The following DDX3X variants were observed in gnomAD, a reference collection of about 807,000 sequenced individuals.
The protein encoded by DDX3X is DEAD-box helicase 3 X-linked.
A neutral mutation model predicts 52.7 loss-of-function variants in DDX3X; 4 were observed. That is an observed-to-expected ratio of 0.08 (90% CI 0.04 to 0.17). The LOEUF (loss-of-function observed/expected upper bound fraction) is 0.17, where lower values mean the gene tolerates loss of function less well. DDX3X is among the 10% of genes least tolerant of loss of function. The pLI is 1.00. For synonymous variants in DDX3X, 192 were observed against 178.1 expected (o/e 1.08, Z -0.62); for missense variants, 222 against 548.6 (o/e 0.40, Z 5.95).
At position 41,334,692 on chromosome X, in the gene DDX3X, C is replaced by T. The variant is rs1331438802; in HGVS notation, c.45+395C>T. ...GCCCTTTTGGCTTGGAGGGCTTCGG[C>T]CTTCACGGCTGGCGCAGCCTGGATT... is the stretch of plus-strand genomic sequence containing the variant. On this transcript the variant is annotated intron_variant, in intron 1 of 16. Coordinates refer to ENST00000644876, the MANE Select transcript of DDX3X (RefSeq NM_001356.5). The T allele has an allele frequency of 6.9e-6, 7 of 1,012,288 alleles. No individual in the cohort carries two copies. The African/African-American group carries it at 1.1e-4, about 17-fold the overall frequency. 83.4% of individuals were successfully genotyped at this position (1,012,288 alleles called of 1,213,427 possible). A position where few individuals can be genotyped will look rare whatever the true frequency, so the allele number is the denominator to read the frequency against.
At chrX:41,351,767 T>C (rs1337503739), downstream of DDX3X, 1 of 111,589 alleles carries the variant, frequency 9.0e-6, no homozygotes, top group African/African-American at 3.2e-5. Flanking sequence ...ATGACTACTC[T>C]TCAATTTCTT....
chrX:41,355,900 C>T (rs772048412), intron 5 of DDX3X, among the ~76,000 whole-genome samples: 1 of 110,486 alleles, frequency 9.1e-6, no homozygotes, highest in Non-Finnish European at 1.9e-5. Context: ...TCTTATTTGC[C>T]ATCCCTGTAT....
chrX:41,356,137 C>CTTTT (rs768758470), intron 5 of DDX3X, among the ~76,000 whole-genome samples: 12 of 78,490 alleles, frequency 1.5e-4, no homozygotes, highest in African/African-American at 4.8e-4. Flanking sequence ...AATTTGTCAG[C>CTTTT]TTTTTTTTTT....
At chrX:41,358,068 T>A in intron 5 of DDX3X, 2 of 132,118 alleles carry the variant, frequency 1.5e-5, no homozygotes, top group East Asian at 1.4e-4. Context: ...AGACACTCTT[T>A]TTTTTTTTTT....
At position 41,349,006 on chromosome X, in the gene DDX3X, A is replaced by C. The variant is rs2063959502; in HGVS notation, c.*1287A>C. The C allele has an allele frequency of 8.9e-6, 1 of 112,224 alleles. No homozygotes were observed. Among genetic ancestry groups the C allele is most frequent in the African/African-American group, 3.2e-5 (1 of 30,804 alleles). 9.2% of individuals were successfully genotyped at this position (112,224 alleles called of 1,213,427 possible). ...CTGTTTATGCTAAATCTGGCCAAAG[A>C]TGAGCATTGTCCACCACTAAAATGC... On this transcript the variant is annotated 3_prime_UTR_variant, in exon 17 of 17. Coordinates refer to ENST00000644876, the MANE Select transcript of DDX3X (RefSeq NM_001356.5).
intron 5 of DDX3X, chrX:41,357,901 A>G (rs1161439910): frequency 6.8e-6 from 2 of 296,018 alleles, no homozygotes; most frequent in Non-Finnish European, 1.2e-5. Flanking sequence ...TGCATGCAGG[A>G]ATATTCAGGA....
At chrX:41,361,401 A>G (rs1023254020) in intron 5 of DDX3X, among the ~76,000 whole-genome samples, 2 of 110,188 alleles carry the variant, frequency 1.8e-5, no homozygotes, top group African/African-American at 3.3e-5. Flanking sequence ...AATCCCAGCT[A>G]CTCAGGAGGC....
chrX:41,355,509 C>A (rs988472293), intron 5 of DDX3X, among the ~76,000 whole-genome samples: 2 of 110,828 alleles, frequency 1.8e-5, no homozygotes, highest in Non-Finnish European at 3.8e-5. Flanking sequence ...ACTCTGTCAC[C>A]CAGGCTGGAG....
intron 7 of DDX3X, 108 bp from the exon 8 acceptor site, chrX:41,343,629 T>C (rs956012487): frequency 2.7e-6 from 2 of 752,903 alleles, no homozygotes; most frequent in Non-Finnish European, 3.8e-6. Context: ...AACTTAAGCA[T>C]AAACTAAAAG....
chrX:41,357,356 A>G (rs1277431843), intron 5 of DDX3X, among the ~76,000 whole-genome samples: 1 of 112,074 alleles, frequency 8.9e-6, no homozygotes, highest in Non-Finnish European at 1.9e-5. Flanking sequence ...CATAAATTTT[A>G]GAATAAGCTT....
At chrX:41,340,671 A>G in intron 3 of DDX3X, 1 of 285,142 alleles carries the variant, frequency 3.5e-6, no homozygotes, top group Non-Finnish European at 6.2e-6. Flanking sequence ...TAGTAGATGA[A>G]CCACTAAAAT....
At chrX:41,353,472 A>AAT (rs1206874241), downstream of DDX3X, among the ~76,000 whole-genome samples, 5 of 104,222 alleles carry the variant, frequency 4.8e-5, no homozygotes, top group Admixed American at 1.1e-4. Context: ...CATCTCAAAA[A>AAT]ATATATATAT....
At chrX:41,336,433 G>C (rs1043674105) in intron 1 of DDX3X, 3 of 111,909 alleles carry the variant, frequency 2.7e-5, no homozygotes, top group African/African-American at 9.8e-5. Flanking sequence ...CGCCAGTTGT[G>C]CCATTTATTC....
intron 1 of DDX3X, chrX:41,334,573 G>A: frequency 9.2e-7 from 1 of 1,086,550 alleles, no homozygotes. Context: ...GGAAGTGCGC[G>A]CGCTCTCGCG....
In DDX3X at chrX:41,334,524, C is replaced by A; in HGVS notation, c.45+227C>A. The A allele has an allele frequency of 4.6e-6, 5 of 1,093,745 alleles. No homozygotes were observed. The South Asian group carries it at 1.1e-4, about 24-fold the overall frequency. 90.1% of individuals were successfully genotyped at this position (1,093,745 alleles called of 1,213,427 possible). On this transcript the variant is annotated intron_variant, in intron 1 of 16. Coordinates refer to ENST00000644876, the MANE Select transcript of DDX3X (RefSeq NM_001356.5). ...ATTGTCCCCGGGACGAGCACAATGG[C>A]GGCTTTTGTGTGTGCGTGCGCAGGC...
At chrX:41,334,661 C>G (rs765816805) in intron 1 of DDX3X, 44 of 1,046,836 alleles carry the variant, frequency 4.2e-5, no homozygotes, top group Non-Finnish European at 5.2e-5. Flanking sequence ...CGGGACGCGA[C>G]TGGAGGCCCT....
exon 6 of DDX3X, chrX:41,364,414 G>A (rs776773754): frequency 6.8e-6 from 2 of 294,477 alleles, no homozygotes; most frequent in East Asian, 4.8e-5. Flanking sequence ...AGCCTGAGCT[G>A]TTTTCTTCTG....
chrX:41,356,660 T>C (rs1436789975), intron 5 of DDX3X, among the ~76,000 whole-genome samples: 5 of 108,462 alleles, frequency 4.6e-5, no homozygotes, highest in African/African-American at 1.3e-4. Flanking sequence ...GAGATGGGGT[T>C]TCACCGTGTT....
rs182798184 is a variant in DDX3X, at chrX:41,342,671, A to T, written c.443+18A>T. ...TTGGAACAGTAAGTTTTTGAAGTGT[A>T]TGTTACTTGTGATGAAGCCTTACTA... On this transcript the variant is annotated intron_variant, in intron 5 of 16. Transcript: ENST00000644876. The T allele has an allele frequency of 8.3e-4, 1,003 of 1,209,581 alleles. 7 individuals carry two copies. The African/African-American group carries it at 0.016, about 19-fold the overall frequency.
Sources: allele counts gnomAD v4.1 joint callset (sites outside exome capture counted in the v4.1 genomes callset), GRCh38; gene constraint gnomAD v4.1.1; transcripts MANE v1.5; gene names NCBI Gene and HGNC (gene_info 2026-07-23, HGNC 2026-07-21).